The following NAV3 variants were observed in gnomAD, a reference collection of about 807,000 sequenced individuals.
NAV3 encodes the protein neuron navigator 3, also known as pore membrane and/or filament interacting like protein 1.
NAV3 carries 87 observed loss-of-function variants against 244.7 expected under a neutral mutation model. The ratio of observed to expected loss-of-function variants is 0.36; its 90% CI spans 0.30 to 0.42. NAV3 has a LOEUF of 0.42. Among genes scored for constraint, NAV3 ranks in the 20% least tolerant of loss-of-function variants. The pLI is 1.00. For synonymous variants in NAV3, 1,126 were observed against 1,042.2 expected (o/e 1.08, Z -1.55); for missense variants, 2,663 against 2,893.3 (o/e 0.92, Z 1.83).
intron 2 of NAV3, among the ~76,000 whole-genome samples, chr12:77,760,924 G>C (rs982896090): frequency 6.6e-6 from 1 of 152,130 alleles, no homozygotes; most frequent in African/African-American, 2.4e-5. Context: ...AGCAATCCCT[G>C]ACCACTTTAA....
chr12:78,004,577 T>C (rs7963857), intron 7 of NAV3, among the ~76,000 whole-genome samples: 74,942 of 152,092 alleles, frequency 0.49, 18,563 homozygotes, highest in Middle Eastern at 0.55. Context: ...AGGCTACTTA[T>C]TCCTGAATAT....
At chr12:78,059,900 CAT>C (rs756967268) in intron 12 of NAV3, among the ~76,000 whole-genome samples, 3 of 151,650 alleles carry the variant, frequency 2.0e-5, no homozygotes, top group Non-Finnish European at 4.4e-5. Flanking sequence ...GTGTTGTAAA[CAT>C]AGAAAAACTC....
At position 78,188,723 on chromosome 12, in the gene NAV3, C is replaced by A; in HGVS notation, c.6001C>A (p.Leu2001Met). The part of the protein sequence containing the change: ...RSHNLEVPEL[L>M]PCGYLVGDNN... ...CCATAACCTAGAAGTGCCTGAATTG[C>A]TGCCTTGTGGATACCTTGTTGGAGA... The change falls in exon 33 of 40, where the codon CTG becomes ATG. Residue 2001 changes from leucine (L) to methionine (M), a missense_variant. Leu to Met is a conservative substitution (Grantham distance 15). Coordinates refer to ENST00000397909, the MANE Select transcript of NAV3 (RefSeq NM_001024383.2). 6.2e-7 allele frequency: 1 copy of A among 1,612,420 alleles called. No homozygotes were observed. The highest frequency in any genetic ancestry group is 1.1e-5 in the South Asian group (1 of 91,026).
intron 7 of NAV3, among the ~76,000 whole-genome samples, chr12:78,004,067 C>T (rs1873783740): frequency 1.3e-5 from 2 of 152,152 alleles, no homozygotes; most frequent in South Asian, 4.1e-4. Context: ...CAGTGAAAAT[C>T]TTCCAAATGT....
At chr12:78,064,771 C>G (rs191940161) in intron 12 of NAV3, among the ~76,000 whole-genome samples, 2 of 151,786 alleles carry the variant, frequency 1.3e-5, no homozygotes, top group African/African-American at 4.8e-5. Flanking sequence ...TAATCTAGAT[C>G]ATATATACGA....
chr12:77,745,752 T>C (rs1421285550), intron 2 of NAV3, among the ~76,000 whole-genome samples: 1 of 152,018 alleles, frequency 6.6e-6, no homozygotes, highest in Non-Finnish European at 1.5e-5. Flanking sequence ...GAGGTCTCGT[T>C]GAGGTTACAT....
intron 2 of NAV3, among the ~76,000 whole-genome samples, chr12:77,652,127 G>T (rs1256268321): frequency 6.6e-6 from 1 of 152,092 alleles, no homozygotes; most frequent in Admixed American, 6.5e-5. Context: ...CTATTTCATA[G>T]GTTGCTAACA....
At chr12:77,638,785 C>G (rs1472697635) in intron 2 of NAV3, among the ~76,000 whole-genome samples, 4 of 152,092 alleles carry the variant, frequency 2.6e-5, no homozygotes, top group Non-Finnish European at 5.9e-5. Flanking sequence ...CTGCCATGGC[C>G]AGGTCATAGA....
In NAV3 at chr12:78,119,838, G is replaced by T; in HGVS notation, c.3642G>T (p.Leu1214Phe). The T allele has an allele frequency of 1.9e-6, 3 of 1,614,112 alleles. No individual in the cohort carries two copies. The highest frequency in any genetic ancestry group is 2.5e-6 in the Non-Finnish European group (3 of 1,180,020). ...TCTCAGATTCAGAAAGTGTTTCTTT[G>T]TCAGGTTCCCCCAAATCCAGCCCCA... ...VAVSDSESVS[L>F]SGSPKSSPTS... The change falls in exon 15 of 40, where the codon TTG becomes TTT. Residue 1214 changes from leucine (L) to phenylalanine (F), a missense_variant. Physicochemically the swap from Leu to Phe is conservative, Grantham distance 22 (BLOSUM62 0). Transcript: ENST00000397909.
intron 5 of NAV3, among the ~76,000 whole-genome samples, chr12:77,974,504 G>C (rs1481800798): frequency 6.6e-6 from 1 of 151,608 alleles, no homozygotes; most frequent in Admixed American, 6.6e-5. Flanking sequence ...CACCATGTTG[G>C]CCATGGTGGT....
chr12:77,886,276 G>A (rs545041705), intron 1 of NAV3, among the ~76,000 whole-genome samples: 5 of 152,060 alleles, frequency 3.3e-5, no homozygotes, highest in African/African-American at 1.2e-4. Context: ...ACATTCAAGG[G>A]CTTCTCTTTA....
rs535945080 is a variant in NAV3, at chr12:77,693,703, T to G, written c.72+121437T>G. On this transcript the variant is annotated intron_variant, in intron 2 of 8. Coordinates refer to the NAV3 transcript ENST00000550042. ...TGCTATGCCTGATTGGCCTTGAGGG[T>G]GCCAAGTTCACAGCCTGCTTGTGCT... Among the ~76,000 whole-genome samples the G allele has an allele frequency of 9.9e-5, 15 of 152,164 alleles. No individual in the cohort carries two copies. In the South Asian group the frequency reaches 2.5e-3, roughly 25 times the overall value.
At chr12:77,837,804 G>A (rs1379556869) in intron 1 of NAV3, among the ~76,000 whole-genome samples, 1 of 152,186 alleles carries the variant, frequency 6.6e-6, no homozygotes, top group Non-Finnish European at 1.5e-5. Flanking sequence ...TGTGTGAAGT[G>A]CCTAGAATTA....
rs781342371 is a variant in NAV3 at position 78,051,142 on chromosome 12, C to T, written c.2511C>T (p.Asn837=). The T allele has an allele frequency of 1.2e-6, 2 of 1,602,380 alleles. No homozygotes were observed. The highest frequency in any genetic ancestry group is 1.3e-5 in the African/African-American group (1 of 74,738). ...LGKSLRTDDI[N]SGYMTDGGLN... ...AAAGTCTCAGGACTGATGACATCAACAGTGGGTAAGTAACCCTGTTCTCCG... is the reference window on the plus strand; with the variant it reads ...AAAGTCTCAGGACTGATGACATCAATAGTGGGTAAGTAACCCTGTTCTCCG... Residue 837 remains asparagine, a synonymous_variant, in exon 11 of 40, where the codon AAC becomes AAT. Coordinates refer to ENST00000397909, the MANE Select transcript of NAV3 (RefSeq NM_001024383.2).
At chr12:77,774,557 A>T (rs550128284) in intron 2 of NAV3, among the ~76,000 whole-genome samples, 7 of 152,254 alleles carry the variant, frequency 4.6e-5, no homozygotes, top group African/African-American at 1.7e-4. Context: ...GGGGATTATG[A>T]TCTTAAAGGA....
intron 12 of NAV3, among the ~76,000 whole-genome samples, chr12:78,075,554 G>T (rs933548543): frequency 6.6e-6 from 1 of 152,126 alleles, no homozygotes; most frequent in African/African-American, 2.4e-5. Context: ...GGATTTGGGG[G>T]TTATGGAGTC....
At chr12:77,734,592 G>T (rs540943476) in intron 2 of NAV3, among the ~76,000 whole-genome samples, 55 of 152,208 alleles carry the variant, frequency 3.6e-4, no homozygotes, top group African/African-American at 1.3e-3. Flanking sequence ...CTGAGCAGAT[G>T]ATCTACAACC....
chr12:78,025,453 G>T (rs117747840), intron 9 of NAV3, among the ~76,000 whole-genome samples: 2 of 151,622 alleles, frequency 1.3e-5, no homozygotes, highest in South Asian at 2.1e-4. Flanking sequence ...AACATTAGCC[G>T]GCTGCGGTGG....
chr12:77,582,254 A>G (rs1379105690), intron 2 of NAV3, among the ~76,000 whole-genome samples: 3 of 152,256 alleles, frequency 2.0e-5, no homozygotes, highest in Admixed American at 2.0e-4. Context: ...TTTAAAGGAC[A>G]TTAATCTACA....
Sources: gnomAD v4.1 joint callset for allele counts (sites outside exome capture counted in the v4.1 genomes callset) on GRCh38, gnomAD v4.1.1 for gene constraint, MANE v1.5 for transcripts, NCBI Gene and HGNC (gene_info 2026-07-23, HGNC 2026-07-21) for gene names.